Variants in GRM3 observed in about 807,000 individuals in gnomAD.
The protein encoded by GRM3 is glutamate metabotropic receptor 3.
A neutral mutation model predicts 70.5 loss-of-function variants in GRM3; 26 were observed. That is an observed-to-expected ratio of 0.37 (90% CI 0.27 to 0.51). The LOEUF is 0.51. GRM3 is among the 20% of genes least tolerant of loss of function. The pLI is 0.93. For synonymous variants in GRM3, 443 were observed against 434.9 expected (o/e 1.02, Z -0.23); for missense variants, 859 against 1,123.8 (o/e 0.76, Z 3.37).
chr7:86,850,847 G>C (rs1798742842), intron 5 of GRM3, among the ~76,000 whole-genome samples: 1 of 152,086 alleles, frequency 6.6e-6, no homozygotes, highest in Admixed American at 6.6e-5. Flanking sequence ...CTCTCGTCCT[G>C]TTCTGCACTC....
chr7:86,649,787 G>A (rs965105448), intron 1 of GRM3, among the ~76,000 whole-genome samples: 6 of 152,082 alleles, frequency 3.9e-5, no homozygotes, highest in African/African-American at 9.7e-5. Context: ...AGAAAAGGTA[G>A]CTAATAGGGA....
intron 2 of GRM3, among the ~76,000 whole-genome samples, chr7:86,769,195 G>A (rs1289007896): frequency 6.6e-6 from 1 of 152,072 alleles, no homozygotes; most frequent in African/African-American, 2.4e-5. Context: ...ACAGTGTGCA[G>A]CCTGTAGCAT....
intron 1 of GRM3, among the ~76,000 whole-genome samples, chr7:86,713,235 T>C (rs963655795): frequency 2.0e-5 from 3 of 152,102 alleles, no homozygotes; most frequent in African/African-American, 4.8e-5. Context: ...TGATTAGTGA[T>C]GTATATATTT....
At chr7:86,793,898 T>C (rs1797485763) in intron 3 of GRM3, among the ~76,000 whole-genome samples, 1 of 152,078 alleles carries the variant, frequency 6.6e-6, no homozygotes. Context: ...CAGAAAAAAG[T>C]AATGATCCCC....
At position 86,838,937 on chromosome 7, in the gene GRM3, G is replaced by T. The variant is rs766672277; in HGVS notation, c.1423G>T (p.Gly475Cys). Residue 475 changes from glycine (G) to cysteine (C), a missense_variant, in exon 4 of 6, where the codon GGT becomes TGT. Gly to Cys is a radical substitution (Grantham distance 159, BLOSUM62 -3). Coordinates refer to ENST00000361669, the MANE Select transcript of GRM3 (RefSeq NM_000840.3). ...CAACGTGTTCAATTTCCAAAATGTA[G>T]GTGGAAAGTATTCCTACTTGAAAGT... ...RYNVFNFQNV[G>C]GKYSYLKVGH... is the part of the protein sequence containing the mutation. 2 of 1,613,642 alleles carry T rather than the reference G, an allele frequency of 1.2e-6. No individual in the cohort carries two copies. The highest frequency in any genetic ancestry group is 1.7e-6 in the Non-Finnish European group (2 of 1,179,596).
chr7:86,695,966 T>C (rs1794805310), intron 1 of GRM3, among the ~76,000 whole-genome samples: 1 of 152,206 alleles, frequency 6.6e-6, no homozygotes, highest in Non-Finnish European at 1.5e-5. Context: ...CCTTAGCTTT[T>C]ACTGATAAAT....
At chr7:86,708,218 C>T (rs1795104157) in intron 1 of GRM3, among the ~76,000 whole-genome samples, 1 of 152,108 alleles carries the variant, frequency 6.6e-6, no homozygotes, top group Non-Finnish European at 1.5e-5. Context: ...CCATAAGCCC[C>T]CTTCTTGACA....
At chr7:86,682,057 T>C (rs1794454399) in intron 1 of GRM3, among the ~76,000 whole-genome samples, 2 of 152,206 alleles carry the variant, frequency 1.3e-5, no homozygotes, top group Non-Finnish European at 2.9e-5. Flanking sequence ...ATTTTTCAAA[T>C]AATCACATGG....
intron 3 of GRM3, among the ~76,000 whole-genome samples, chr7:86,789,596 G>A (rs1200797754): frequency 6.6e-6 from 1 of 151,974 alleles, no homozygotes; most frequent in Non-Finnish European, 1.5e-5. Flanking sequence ...GAATATTGTG[G>A]CAATAAACTA....
At chr7:86,848,573 T>A (rs2116765039) in intron 4 of GRM3, among the ~76,000 whole-genome samples, 1 of 152,220 alleles carries the variant, frequency 6.6e-6, no homozygotes, top group African/African-American at 2.4e-5. Context: ...TTGATTTGTC[T>A]CTGGTGGCTC....
At chr7:86,733,937 T>C (rs1394378037) in intron 1 of GRM3, among the ~76,000 whole-genome samples, 5 of 152,244 alleles carry the variant, frequency 3.3e-5, no homozygotes, top group African/African-American at 4.8e-5. Flanking sequence ...GGTTACATAA[T>C]AAGCGGAGCT....
At chr7:86,790,972 T>C (rs1003226214) in intron 3 of GRM3, among the ~76,000 whole-genome samples, 1 of 152,154 alleles carries the variant, frequency 6.6e-6, no homozygotes, top group African/African-American at 2.4e-5. Flanking sequence ...TCTATTACTT[T>C]CATATTTAGT....
intron 3 of GRM3, among the ~76,000 whole-genome samples, chr7:86,812,899 T>C (rs534418216): frequency 1.3e-4 from 19 of 151,882 alleles, no homozygotes; most frequent in African/African-American, 4.6e-4. Context: ...GTTTGCTCTA[T>C]GTAATGAACA....
At chr7:86,685,995 G>T (rs1003319482) in intron 1 of GRM3, among the ~76,000 whole-genome samples, 1 of 151,532 alleles carries the variant, frequency 6.6e-6, no homozygotes, top group East Asian at 1.9e-4. Flanking sequence ...CTTGAGCACC[G>T]TATCTGGCAA....
intron 1 of GRM3, among the ~76,000 whole-genome samples, chr7:86,764,094 T>A (rs796609684): frequency 2.6e-5 from 4 of 152,244 alleles, no homozygotes; most frequent in Admixed American, 6.5e-5. Context: ...GATCCATTCA[T>A]AGACACGCAG....
At chr7:86,770,315 G>A (rs1796705375) in intron 2 of GRM3, among the ~76,000 whole-genome samples, 1 of 152,036 alleles carries the variant, frequency 6.6e-6, no homozygotes, top group African/African-American at 2.4e-5. Flanking sequence ...CATAGAAAGG[G>A]CAGAAGAGAG....
intron 3 of GRM3, among the ~76,000 whole-genome samples, chr7:86,825,489 C>T (rs2116697996): frequency 6.6e-6 from 1 of 152,328 alleles, no homozygotes; most frequent in Middle Eastern, 3.4e-3. Flanking sequence ...AGACACATGA[C>T]AACTTAACAA....
At chr7:86,660,055 G>A (rs1397112303) in intron 1 of GRM3, among the ~76,000 whole-genome samples, 2 of 152,020 alleles carry the variant, frequency 1.3e-5, no homozygotes, top group African/African-American at 2.4e-5. Flanking sequence ...CTAGCTATCA[G>A]AATAGTATAT....
chr7:86,710,934 G>A (rs1795184216), intron 1 of GRM3, among the ~76,000 whole-genome samples: 1 of 152,042 alleles, frequency 6.6e-6, no homozygotes, highest in African/African-American at 2.4e-5. Context: ...TGTTAGAAAA[G>A]TGTTAAAGCC....
Sources: gnomAD v4.1 joint callset for allele counts (sites outside exome capture counted in the v4.1 genomes callset) on GRCh38, gnomAD v4.1.1 for gene constraint, MANE v1.5 for transcripts, NCBI Gene and HGNC (gene_info 2026-07-23, HGNC 2026-07-21) for gene names.